Variants in AGPAT4 observed in about 807,000 individuals in gnomAD.
The protein encoded by AGPAT4 is 1-acyl-sn-glycerol-3-phosphate acyltransferase delta.
AGPAT4 carries 15 observed loss-of-function variants against 48.0 expected under a neutral mutation model. The ratio of observed to expected loss-of-function variants is 0.31; its 90% CI spans 0.21 to 0.48. The LOEUF (loss-of-function observed/expected upper bound fraction) is 0.48, where lower values mean the gene tolerates loss of function less well. Ranked by LOEUF, AGPAT4 falls within the 20% of genes least tolerant of loss-of-function variation. AGPAT4 has a pLI of 0.99. For missense variants in AGPAT4, 314 were observed against 482.5 expected (o/e 0.65, Z 3.27); for synonymous variants, 178 against 198.7 (o/e 0.90, Z 0.88).
Position 161,146,492 on chromosome 6 carries a change from G to T in AGPAT4, c.843+32C>A. The T allele has an allele frequency of 6.2e-7, 1 of 1,610,116 alleles. No individual in the cohort carries two copies. Among genetic ancestry groups the T allele is most frequent in the Non-Finnish European group, 8.5e-7 (1 of 1,177,986 alleles). On this transcript the variant is annotated intron_variant, in intron 7 of 8. Coordinates refer to ENST00000320285, the MANE Select transcript of AGPAT4 (RefSeq NM_020133.3). The surrounding 1 kb of genome is among the most constrained non-coding windows in gnomAD (Gnocchi z 7.1). ...CACACGGCGCACCCACAGCTGCAACGTGAAGGGACCCCTGGCACCCAGTGC... is the reference window on the plus strand; with the variant it reads ...CACACGGCGCACCCACAGCTGCAACTTGAAGGGACCCCTGGCACCCAGTGC...
Position 161,261,579 on chromosome 6 carries a change from G to A in AGPAT4, c.-90+12359C>T, listed in dbSNP as rs934415684. Reference sequence around the variant, plus strand: ...GGGACGTAGCTGCTACCCTGAGACCGGGTAAGGCATCATCATTAACAAAGC... The same window carrying A: ...GGGACGTAGCTGCTACCCTGAGACCAGGTAAGGCATCATCATTAACAAAGC... On this transcript the variant is annotated intron_variant, in intron 1 of 8. Transcript: ENST00000320285. This position sits in a 1 kb window ranked among gnomAD's most constrained non-coding sequence, Gnocchi z 5.3. 1.3e-5 allele frequency among the ~76,000 whole-genome samples: 2 copies of A among 152,164 alleles called. No individual in the cohort carries two copies. The highest frequency in any genetic ancestry group is 2.4e-5 in the African/African-American group (1 of 41,436).
rs1377268917 is a variant in AGPAT4 at position 161,245,023 on chromosome 6, C to T, written c.-89-12721G>A. The stretch of plus-strand genomic sequence containing the variant: ...TCTCCTGCAAATGCTAACTTAATTT[C>T]GCACACATGCCTACTAGCAAGCCGT... On this transcript the variant is annotated intron_variant, in intron 1 of 8. Transcript: ENST00000320285. This position sits in a 1 kb window ranked among gnomAD's most constrained non-coding sequence, Gnocchi z 5.2. Among the ~76,000 whole-genome samples, 1 of 152,250 alleles carries T rather than the reference C, an allele frequency of 6.6e-6. No homozygotes were observed. Among genetic ancestry groups the T allele is most frequent in the African/African-American group, 2.4e-5 (1 of 41,468 alleles).
rs1207212146 is a variant in AGPAT4 at position 161,131,315 on chromosome 6, C to G, written c.*5225G>C. 6.4e-6 allele frequency: 1 copy of G among 155,722 alleles called. No homozygotes were observed. The highest frequency in any genetic ancestry group is 1.4e-5 in the Non-Finnish European group (1 of 70,058). 9.6% of individuals were successfully genotyped at this position (155,722 alleles called of 1,614,324 possible). A position where few individuals can be genotyped will look rare whatever the true frequency, so the allele number is the denominator to read the frequency against. On this transcript the variant is annotated 3_prime_UTR_variant, in exon 9 of 9. Transcript: ENST00000320285. Reference sequence around the variant, plus strand: ...ACCTTCATATTAAACTAGGATGAGGCTGCAGGAGCTGAGGAAGGAAGGCCT... The same window carrying G: ...ACCTTCATATTAAACTAGGATGAGGGTGCAGGAGCTGAGGAAGGAAGGCCT...
intron 1 of AGPAT4, among the ~76,000 whole-genome samples, chr6:161,268,420 T>C (rs1037064106): frequency 6.6e-6 from 1 of 152,192 alleles, no homozygotes; most frequent in Non-Finnish European, 1.5e-5. Context: ...CCATGATGGT[T>C]TGCTGCACCT....
intron 2 of AGPAT4, among the ~76,000 whole-genome samples, chr6:161,209,734 G>A (rs192561916): frequency 6.6e-5 from 10 of 152,186 alleles, no homozygotes; most frequent in African/African-American, 1.7e-4. Context: ...TCCAGCTTTC[G>A]GAACAGTATG....
At chr6:161,210,026 T>TA (rs77430613) in intron 2 of AGPAT4, among the ~76,000 whole-genome samples, 1 of 152,208 alleles carries the variant, frequency 6.6e-6, no homozygotes, top group Non-Finnish European at 1.5e-5. Context: ...CGTCTCTGTT[T>TA]AAAAAAAATT....
At position 161,165,450 on chromosome 6, in the gene AGPAT4, G is replaced by T. The variant is rs551362342; in HGVS notation, c.348+798C>A. The T allele has an allele frequency of 3.9e-5, 16 of 411,544 alleles. No homozygotes were observed. In the South Asian group the frequency reaches 5.2e-4, roughly 13 times the overall value. The allele number at this position is 411,544 out of a possible 1,614,324, so 25.5% of individuals were successfully genotyped here. A position where few individuals can be genotyped will look rare whatever the true frequency, so the allele number is the denominator to read the frequency against. On this transcript the variant is annotated intron_variant, in intron 3 of 8. Transcript: ENST00000320285. The surrounding 1 kb of genome is among the most constrained non-coding windows in gnomAD (Gnocchi z 5.5). Reference sequence around the variant, plus strand: ...AAGCAAGGTGATTTCAGCAGCCCCCGTATCTGTTCTACAGGGCATTGTTCC... The same window carrying T: ...AAGCAAGGTGATTTCAGCAGCCCCCTTATCTGTTCTACAGGGCATTGTTCC...
Position 161,164,087 on chromosome 6 carries a change from C to T in AGPAT4, c.348+2161G>A, listed in dbSNP as rs1218246885. Reference sequence around the variant, plus strand: ...TGGGCGTGCTGTTGACTTGCTTTCCCGCCATCAGCGCTCCCGCCCTTATGC... The same window carrying T: ...TGGGCGTGCTGTTGACTTGCTTTCCTGCCATCAGCGCTCCCGCCCTTATGC... On this transcript the variant is annotated intron_variant, in intron 3 of 8. Coordinates refer to ENST00000320285, the MANE Select transcript of AGPAT4 (RefSeq NM_020133.3). This position sits in a 1 kb window ranked among gnomAD's most constrained non-coding sequence, Gnocchi z 7.4. Among the ~76,000 whole-genome samples the T allele has an allele frequency of 1.3e-5, 2 of 152,224 alleles. No individual in the cohort carries two copies. The highest frequency in any genetic ancestry group is 2.4e-5 in the African/African-American group (1 of 41,448).
At chr6:161,170,473 GCA>G (rs3839450) in intron 2 of AGPAT4, among the ~76,000 whole-genome samples, 3,249 of 32,582 alleles carry the variant, frequency 0.1, 63 homozygotes, top group Middle Eastern at 0.31. Context: ...GTGCGCGCGC[GCA>G]CACACACACA....
chr6:161,206,594 T>C lies in AGPAT4; in HGVS notation c.178+25442A>G. 6.6e-6 allele frequency among the ~76,000 whole-genome samples: 1 copy of C among 152,262 alleles called. No individual in the cohort carries two copies. Among genetic ancestry groups the C allele is most frequent in the East Asian group, 1.9e-4 (1 of 5,174 alleles). On this transcript the variant is annotated intron_variant, in intron 2 of 8. Coordinates refer to ENST00000320285, the MANE Select transcript of AGPAT4 (RefSeq NM_020133.3). The surrounding 1 kb of genome is among the most constrained non-coding windows in gnomAD (Gnocchi z 4.8). ...ACAAGTTTAAGTAAGACCTACCGTC[T>C]AATAACATAATTCTCCAAATGTCCA... is the stretch of plus-strand genomic sequence containing the variant.
rs891552527 is a variant in AGPAT4 at position 161,235,098 on chromosome 6, G to A, written c.-89-2796C>T. On this transcript the variant is annotated intron_variant, in intron 1 of 8. Transcript: ENST00000320285. This position sits in a 1 kb window ranked among gnomAD's most constrained non-coding sequence, Gnocchi z 6.2. ...GGCCCATTTCCTAGCCTGGTGTGGG[G>A]TGGTTGCATGTGGGCTTGAGAGTTC... 5.3e-5 allele frequency among the ~76,000 whole-genome samples: 8 copies of A among 152,102 alleles called. No homozygotes were observed. Among genetic ancestry groups the A allele is most frequent in the African/African-American group, 1.9e-4 (8 of 41,484 alleles).
At chr6:161,228,810 C>T (rs1436637437) in intron 2 of AGPAT4, among the ~76,000 whole-genome samples, 1 of 151,996 alleles carries the variant, frequency 6.6e-6, no homozygotes, top group East Asian at 1.9e-4. Context: ...CGGCTCCATC[C>T]TCCCTTCCTC....
intron 2 of AGPAT4, among the ~76,000 whole-genome samples, chr6:161,209,949 C>T (rs944530783): frequency 4.0e-5 from 6 of 151,838 alleles, no homozygotes; most frequent in African/African-American, 7.3e-5. Context: ...TTTGTTTTGA[C>T]TAAAATAGTT....
intron 1 of AGPAT4, among the ~76,000 whole-genome samples, chr6:161,239,185 T>C (rs548359318): frequency 8.5e-5 from 13 of 152,198 alleles, no homozygotes; most frequent in Non-Finnish European, 1.5e-4. Flanking sequence ...GTGAGTTATG[T>C]ACGGTGTAAG....
rs1021143906 is a variant in AGPAT4, at chr6:161,234,541, T to G, written c.-89-2239A>C. Among the ~76,000 whole-genome samples, 6 of 152,188 alleles carry G rather than the reference T, an allele frequency of 3.9e-5. No individual in the cohort carries two copies. Among genetic ancestry groups the G allele is most frequent in the Non-Finnish European group, 8.8e-5 (6 of 68,040 alleles). On this transcript the variant is annotated intron_variant, in intron 1 of 8. Transcript: ENST00000320285. This position sits in a 1 kb window ranked among gnomAD's most constrained non-coding sequence, Gnocchi z 4.4. ...TAGGCGTTAAGCTGGCAGCCCCCGC[T>G]CAGTGCACTTGACTTTGGGAGCCAC...
Position 161,133,430 on chromosome 6 carries a change from A to G in AGPAT4, c.*3110T>C, listed in dbSNP as rs906359389. 1.3e-5 allele frequency: 2 copies of G among 152,176 alleles called. No individual in the cohort carries two copies. Among genetic ancestry groups the G allele is most frequent in the Non-Finnish European group, 1.5e-5 (1 of 68,028 alleles). The allele number at this position is 152,176 out of a possible 1,614,324, so 9.4% of individuals were successfully genotyped here. A position where few individuals can be genotyped will look rare whatever the true frequency, so the allele number is the denominator to read the frequency against. On this transcript the variant is annotated 3_prime_UTR_variant, in exon 9 of 9. Transcript: ENST00000320285. ...TCCAGTACTACTGTGTGATCATATG[A>G]AAAAAGTTGGTTTTCTCTCTGTCAA... is the stretch of plus-strand genomic sequence containing the variant.
rs1022858953 is a variant in AGPAT4 at position 161,248,591 on chromosome 6, A to C, written c.-89-16289T>G. ...TGTCTCAAAAAAAAAAAAAAAAAAA[A>C]AAACTAGGAATACAGCTAACCAGGG... On this transcript the variant is annotated intron_variant, in intron 1 of 8. Transcript: ENST00000320285. 5.3e-5 allele frequency among the ~76,000 whole-genome samples: 8 copies of C among 150,912 alleles called. 1 individual carries two copies. Among genetic ancestry groups the C allele is most frequent in the Admixed American group, 6.6e-5 (1 of 15,170 alleles).
At chr6:161,160,687 C>T (rs1028556346) in intron 3 of AGPAT4, 6 of 318,318 alleles carry the variant, frequency 1.9e-5, no homozygotes, top group South Asian at 2.8e-5. Context: ...TGAGGGGTCA[C>T]GGTCACGGCT....
rs1380303452 is a variant in AGPAT4, at chr6:161,218,816, G to C, written c.178+13220C>G. 6.7e-6 allele frequency among the ~76,000 whole-genome samples: 1 copy of C among 150,038 alleles called. No individual in the cohort carries two copies. Among genetic ancestry groups the C allele is most frequent in the African/African-American group, 2.4e-5 (1 of 41,002 alleles). ...CTACCAAACAGTATGATAAAACACT[G>C]TATCTACCAAACAGTATGATAAAAC... On this transcript the variant is annotated intron_variant, in intron 2 of 8. Transcript: ENST00000320285. The surrounding 1 kb of genome is among the most constrained non-coding windows in gnomAD (Gnocchi z 4.7).
Sources: allele counts gnomAD v4.1 joint callset (sites outside exome capture counted in the v4.1 genomes callset), GRCh38; gene constraint gnomAD v4.1.1; non-coding constraint Gnocchi (gnomAD v3.1); transcripts MANE v1.5; gene names NCBI Gene and HGNC (gene_info 2026-07-23, HGNC 2026-07-21).